The following ZHX1 variants were observed in gnomAD, a reference collection of about 807,000 sequenced individuals.
ZHX1 encodes zinc fingers and homeoboxes protein 1.
In ZHX1, 20 loss-of-function variants were observed where a neutral mutation model predicts 61.8. The observed-to-expected ratio is 0.32, with a 90% CI of 0.23 to 0.47. The LOEUF (loss-of-function observed/expected upper bound fraction) is 0.47, where lower values mean the gene tolerates loss of function less well. ZHX1 is among the 20% of genes least tolerant of loss of function. ZHX1 has a pLI of 1.00. For missense variants in ZHX1, 800 were observed against 1,034.8 expected, an observed-to-expected ratio of 0.77 and a Z score of 3.11; for synonymous variants, 318 against 352.6, an observed-to-expected ratio of 0.90 and a Z score of 1.10.
intron 2 of ZHX1, among the ~76,000 whole-genome samples, chr8:123,260,457 G>A (rs1446165593): frequency 1.3e-5 from 2 of 150,762 alleles, no homozygotes; most frequent in Non-Finnish European, 3.0e-5. Flanking sequence ...AAGTTAGCCG[G>A]GCGTGGTGGC....
Position 123,253,523 on chromosome 8 carries a change from A to G in ZHX1, c.2424T>C (p.His808=), listed in dbSNP as rs1271393396. The change falls in exon 3 of 4, where the codon CAT becomes CAC. Residue 808 remains histidine (H), a synonymous_variant. Coordinates refer to ENST00000395571, the MANE Select transcript of ZHX1 (RefSeq NM_007222.5). ...ACTCTCTGACCTGCTCATAGCCCAT[A>G]TGTGATTTGTTAACAAGTTCATCAA... The part of the protein sequence containing the change: ...QDLDELVNKS[H]MGYEQVREWF... 6.2e-7 allele frequency: 1 copy of G among 1,614,022 alleles called. No homozygotes were observed.
In ZHX1 at chr8:123,254,113, T is replaced by C. The variant is rs1437217290; in HGVS notation, c.1834A>G (p.Ile612Val). The change falls in exon 3 of 4, where the codon ATC becomes GTC. Residue 612 changes from isoleucine (I) to valine (V), a missense_variant. Ile to Val is a conservative substitution (Grantham distance 29). Transcript: ENST00000395571. This position sits in a 1 kb window ranked among gnomAD's most constrained non-coding sequence, Gnocchi z 4.1. Reference sequence around the variant, plus strand: ...TTCTTCTCTGTAAACCAAGCATCGATTTCTCTTCTGGTAAGTTTGGTTTGT... The same window carrying C: ...TTCTTCTCTGTAAACCAAGCATCGACTTCTCTTCTGGTAAGTTTGGTTTGT... Reference protein sequence around the residue: ...RAQTKLTRREIDAWFTEKKKS... With the variant: ...RAQTKLTRREVDAWFTEKKKS... The C allele has an allele frequency of 1.2e-6, 2 of 1,614,044 alleles. No homozygotes were observed. Among genetic ancestry groups the C allele is most frequent in the Admixed American group, 1.7e-5 (1 of 60,006 alleles).
rs1026559059 is a variant in ZHX1, at chr8:123,249,932, A to C, written c.*392T>G. 5 of 152,680 alleles carry C rather than the reference A, an allele frequency of 3.3e-5. No homozygotes were observed. Among genetic ancestry groups the C allele is most frequent in the Non-Finnish European group, 7.3e-5 (5 of 68,740 alleles). The allele number at this position is 152,680 out of a possible 1,614,324, so 9.5% of individuals were successfully genotyped here. On this transcript the variant is annotated 3_prime_UTR_variant, in exon 4 of 4. Transcript: ENST00000395571. ...AGCTTAATCACATCTCAAAGAATAG[A>C]GGCAATATATAGCCCATCTTACTAG...
intron 1 of ZHX1, 81 bp downstream of exon 1, chr8:123,274,136 C>G (rs1239723507): frequency 6.5e-6 from 1 of 152,912 alleles, no homozygotes; most frequent in Non-Finnish European, 1.5e-5. Context: ...CCCGTGCCGG[C>G]CGCGGACTCT....
intron 1 of ZHX1, among the ~76,000 whole-genome samples, chr8:123,269,743 C>T (rs1248643685): frequency 6.6e-6 from 1 of 152,196 alleles, no homozygotes; most frequent in African/African-American, 2.4e-5. Flanking sequence ...GAATAGGTAA[C>T]ACGTGTAAAG....
chr8:123,271,789 A>C (rs527650246), intron 1 of ZHX1, among the ~76,000 whole-genome samples: 101 of 152,342 alleles, frequency 6.6e-4, no homozygotes, highest in African/African-American at 2.4e-3. Flanking sequence ...TTATTGAAAA[A>C]AAAAGAACTT....
chr8:123,261,679 T>C (rs994354655), intron 2 of ZHX1, among the ~76,000 whole-genome samples: 16 of 152,280 alleles, frequency 1.1e-4, no homozygotes, highest in Non-Finnish European at 1.9e-4. Flanking sequence ...GAAATAGTAG[T>C]ATCCACATCA....
Position 123,255,251 on chromosome 8 carries a change from A to C in ZHX1, c.696T>G (p.Ser232=), listed in dbSNP as rs1420522071. 9 of 1,614,218 alleles carry C rather than the reference A, an allele frequency of 5.6e-6. No homozygotes were observed. In the South Asian group the frequency reaches 9.9e-5, roughly 18 times the overall value. The change falls in exon 3 of 4, where the codon TCT becomes TCG. Residue 232 remains serine (S), a synonymous_variant. Coordinates refer to ENST00000395571, the MANE Select transcript of ZHX1 (RefSeq NM_007222.5). ...VENPSSSASE[S]NTSTSIVNRI... ...TGTTTACAATGGAAGTACTTGTATT[A>C]GATTCAGAAGCTGAAGAACTTGGAT...
Position 123,255,745 on chromosome 8 carries a change from C to A in ZHX1, c.202G>T (p.Gly68Cys). The A allele has an allele frequency of 6.2e-7, 1 of 1,613,816 alleles. No homozygotes were observed. Residue 68 changes from glycine to cysteine, a missense_variant, in exon 3 of 4, where the codon GGT becomes TGT. By Grantham distance (159) the Gly-to-Cys change is radical (BLOSUM62 -3). Transcript: ENST00000395571. ...GTACAATATTTACATTCATATCCAC[C>A]TTCAACTTTTTTATTTTGCTGATTG... The part of the protein sequence containing the change: ...SDNQQNKKVE[G>C]GYECKYCTFQ...
intron 3 of ZHX1, among the ~76,000 whole-genome samples, chr8:123,250,702 GT>G (rs1385907151): frequency 6.6e-6 from 1 of 152,128 alleles, no homozygotes; most frequent in Non-Finnish European, 1.5e-5. Flanking sequence ...TTTTGGGAAG[GT>G]TTTGGTAACT....
chr8:123,258,145 AAC>A (rs1443566699), intron 2 of ZHX1, among the ~76,000 whole-genome samples: 1 of 152,160 alleles, frequency 6.6e-6, no homozygotes, highest in Non-Finnish European at 1.5e-5. Flanking sequence ...ATCCCTCATC[AAC>A]AGTTTGGTGC....
At chr8:123,267,441 AT>A in intron 1 of ZHX1, 55 bp from the exon 2 acceptor site, 1 of 477,928 alleles carries the variant, frequency 2.1e-6, no homozygotes, top group Non-Finnish European at 3.4e-6. Context: ...TAGTCAGGAA[AT>A]TTTTACAATT....
rs761159679 is a variant in ZHX1 at position 123,253,624 on chromosome 8, G to A, written c.2323C>T (p.Leu775Phe). 3.1e-6 allele frequency: 5 copies of A among 1,614,104 alleles called. No homozygotes were observed. Among genetic ancestry groups the A allele is most frequent in the Non-Finnish European group, 4.2e-6 (5 of 1,180,042 alleles). The change falls in exon 3 of 4, where the codon CTC (leucine) becomes TTC (phenylalanine). Residue 775 changes from leucine (L) to phenylalanine (F), a missense_variant. Physicochemically the swap from Leu to Phe is conservative, Grantham distance 22. Transcript: ENST00000395571. Reference protein sequence around the residue: ...RINNWDRGPSLIKFKTGTAIL... With the variant: ...RINNWDRGPSFIKFKTGTAIL... ...GCAGTTCCAGTTTTAAATTTTATGA[G>A]TGATGGTCCCCTGTCCCAGTTGTTA...
At position 123,255,096 on chromosome 8, in the gene ZHX1, T is replaced by C. The variant is rs201841106; in HGVS notation, c.851A>G (p.Asn284Ser). 7.4e-6 allele frequency: 12 copies of C among 1,614,212 alleles called. No individual in the cohort carries two copies. The East Asian group carries it at 2.7e-4, about 36-fold the overall frequency. ...NLIPKVLIPV[N>S]SIPTYNAALD... ...TGCAGCATTGTAGGTGGGAATGCTA[T>C]TAACAGGGATTAAGACTTTGGGAAT... Residue 284 changes from asparagine to serine, a missense_variant, in exon 3 of 4, where the codon AAT (asparagine) becomes AGT (serine). Physicochemically the swap from Asn to Ser is conservative, Grantham distance 46. Transcript: ENST00000395571.
At chr8:123,264,697 A>G (rs1563813806) in intron 2 of ZHX1, among the ~76,000 whole-genome samples, 1 of 151,806 alleles carries the variant, frequency 6.6e-6, no homozygotes, top group Non-Finnish European at 1.5e-5. Context: ...AGTTGGGATT[A>G]CAGGCGCCCG....
chr8:123,254,926 C>T lies in ZHX1; in HGVS notation c.1021G>A (p.Val341Ile). ...WFSAQRLKHG[V>I]SWTPEEVEEA... ...TCTACTTCCTCGGGAGTCCAACTAACACCATGTTTTAAACGTTGGGCTGAA... is the reference window on the plus strand; with the variant it reads ...TCTACTTCCTCGGGAGTCCAACTAATACCATGTTTTAAACGTTGGGCTGAA... Residue 341 changes from valine to isoleucine, a missense_variant, in exon 3 of 4, where the codon GTT becomes ATT. Physicochemically the swap from Val to Ile is conservative, Grantham distance 29. Coordinates refer to ENST00000395571, the MANE Select transcript of ZHX1 (RefSeq NM_007222.5). This position sits in a 1 kb window ranked among gnomAD's most constrained non-coding sequence, Gnocchi z 4.1. The T allele has an allele frequency of 6.2e-7, 1 of 1,614,206 alleles. No homozygotes were observed. Among genetic ancestry groups the T allele is most frequent in the Non-Finnish European group, 8.5e-7 (1 of 1,180,026 alleles).
In ZHX1 at chr8:123,255,188, T is replaced by C; in HGVS notation, c.759A>G (p.Pro253=). 1 of 1,614,204 alleles carries C rather than the reference T, an allele frequency of 6.2e-7. No homozygotes were observed. Among genetic ancestry groups the C allele is most frequent in the Non-Finnish European group, 8.5e-7 (1 of 1,180,018 alleles). ...GTGCCAATCCAGGAAGAACTGCTGC[T>C]GGTGTCACTACCGTGCTGGCAGTAC... ...HPSTASTVVT[P]AAVLPGLAQV... The change falls in exon 3 of 4, where the codon CCA becomes CCG. Residue 253 remains proline (P), a synonymous_variant. Transcript: ENST00000395571.
chr8:123,255,008 T>C lies in ZHX1; in HGVS notation c.939A>G (p.Glu313=), dbSNP rs923354322. The part of the protein sequence containing the change: ...YNKFPYPTMS[E]ITVLSAQAKY... The stretch of plus-strand genomic sequence containing the variant: ...TTGCTTGAGCAGAAAGAACTGTAAT[T>C]TCTGACATTGTTGGGTAAGGGAACT... Residue 313 remains glutamate, a synonymous_variant, in exon 3 of 4, where the codon GAA becomes GAG. Coordinates refer to ENST00000395571, the MANE Select transcript of ZHX1 (RefSeq NM_007222.5). 6.2e-7 allele frequency: 1 copy of C among 1,614,196 alleles called. No individual in the cohort carries two copies. Among genetic ancestry groups the C allele is most frequent in the African/African-American group, 1.3e-5 (1 of 75,072 alleles).
At chr8:123,261,240 A>C (rs997279729) in intron 2 of ZHX1, among the ~76,000 whole-genome samples, 3 of 152,222 alleles carry the variant, frequency 2.0e-5, no homozygotes, top group African/African-American at 7.2e-5. Flanking sequence ...TATTATTATA[A>C]AGTCATAAGT....
Sources: gnomAD v4.1 joint callset for allele counts (sites outside exome capture counted in the v4.1 genomes callset) on GRCh38, gnomAD v4.1.1 for gene constraint, Gnocchi (gnomAD v3.1) non-coding constraint, MANE v1.5 for transcripts, NCBI Gene and HGNC (gene_info 2026-07-23, HGNC 2026-07-21) for gene names.